Variants in ZNF292 observed in about 807,000 individuals in gnomAD.
The protein encoded by ZNF292 is 16 zinc-finger domain protein.
ZNF292 carries 26 observed loss-of-function variants against 217.9 expected under a neutral mutation model. The ratio of observed to expected loss-of-function variants is 0.12; its 90% CI spans 0.09 to 0.17. The LOEUF (loss-of-function observed/expected upper bound fraction) is 0.17. Ranked by LOEUF, ZNF292 falls within the 10% of genes least tolerant of loss-of-function variation. The pLI is 1.00. For synonymous variants in ZNF292, 1,257 were observed against 1,124.1 expected (o/e 1.12, Z -2.37); for missense variants, 2,904 against 3,175.2 (o/e 0.91, Z 2.05).
intron 1 of ZNF292, among the ~76,000 whole-genome samples, chr6:87,160,493 G>A (rs955911592): frequency 1.6e-4 from 18 of 112,556 alleles, no homozygotes; most frequent in Middle Eastern, 4.5e-3. Flanking sequence ...GTATATATAT[G>A]TGTGTGTGTG....
intron 5 of ZNF292, among the ~76,000 whole-genome samples, chr6:87,238,897 T>C (rs543749959): frequency 3.9e-5 from 6 of 152,038 alleles, no homozygotes; most frequent in Non-Finnish European, 8.8e-5. Context: ...ACGAGCATGC[T>C]GCCTTCAAGC....
intron 1 of ZNF292, among the ~76,000 whole-genome samples, chr6:87,210,623 T>C (rs1772442820): frequency 6.6e-6 from 1 of 151,926 alleles, no homozygotes; most frequent in Non-Finnish European, 1.5e-5. Context: ...CTACTAAAAA[T>C]ACAAAAAGTA....
intron 5 of ZNF292, among the ~76,000 whole-genome samples, chr6:87,241,479 T>A (rs1395142400): frequency 1.4e-5 from 2 of 146,468 alleles, no homozygotes. Context: ...TGGAATGCAG[T>A]GGTGCGATTT....
chr6:87,260,007 G>A lies in ZNF292; in HGVS notation c.6378G>A (p.Thr2126=), dbSNP rs201454729. The part of the protein sequence containing the change: ...CVHQGCFAAF[T]IQQNLILHYQ... ...ACCAGGGATGCTTTGCTGCCTTTACGATACAGCAAAACTTGATTCTCCATT... is the reference window on the plus strand; with the variant it reads ...ACCAGGGATGCTTTGCTGCCTTTACAATACAGCAAAACTTGATTCTCCATT... Residue 2126 remains threonine, a synonymous_variant, in exon 8 of 8, where the codon ACG becomes ACA. Transcript: ENST00000369577. 74 of 1,613,482 alleles carry A rather than the reference G, an allele frequency of 4.6e-5. 1 individual carries two copies. The Middle Eastern group carries it at 2.8e-3, about 61-fold the overall frequency.
At chr6:87,174,712 C>CTAAG (rs1272233880) in intron 1 of ZNF292, among the ~76,000 whole-genome samples, 1 of 152,136 alleles carries the variant, frequency 6.6e-6, no homozygotes, top group African/African-American at 2.4e-5. Flanking sequence ...GTCTTACGTA[C>CTAAG]TAAGGCCCAT....
chr6:87,225,849 C>T lies in ZNF292; in HGVS notation c.538+7118C>T, dbSNP rs142075122. Among the ~76,000 whole-genome samples, 73 of 152,298 alleles carry T rather than the reference C, an allele frequency of 4.8e-4. No individual in the cohort carries two copies. The East Asian group carries it at 0.012, about 26-fold the overall frequency. On this transcript the variant is annotated intron_variant, in intron 4 of 7. Transcript: ENST00000369577. Reference sequence around the variant, plus strand: ...CTTTTCTCTGCTATCATAAATAGCACATAATCAAACCCAAGTAGCAGACTT... The same window carrying T: ...CTTTTCTCTGCTATCATAAATAGCATATAATCAAACCCAAGTAGCAGACTT...
rs545618214 is a variant in ZNF292 at position 87,202,746 on chromosome 6, C to T, written c.169-13157C>T. Among the ~76,000 whole-genome samples the T allele has an allele frequency of 1.9e-3, 293 of 152,158 alleles. 1 individual carries two copies. Among genetic ancestry groups the T allele is most frequent in the African/African-American group, 6.3e-3 (263 of 41,492 alleles). ...TGATTACAATATTTCCCCTTCCCCC[C>T]GCCCCATCCATGATTTTGTTTTCTG... is the stretch of plus-strand genomic sequence containing the variant. On this transcript the variant is annotated intron_variant, in intron 1 of 7. Coordinates refer to ENST00000369577, the MANE Select transcript of ZNF292 (RefSeq NM_015021.3).
At chr6:87,214,792 G>A (rs375518549) in intron 1 of ZNF292, among the ~76,000 whole-genome samples, 1 of 152,084 alleles carries the variant, frequency 6.6e-6, no homozygotes, top group African/African-American at 2.4e-5. Context: ...TAGTTTACCA[G>A]CTTACTTTTT....
At chr6:87,168,034 G>C (rs567235742) in intron 1 of ZNF292, among the ~76,000 whole-genome samples, 44 of 152,302 alleles carry the variant, frequency 2.9e-4, no homozygotes, top group African/African-American at 1.0e-3. Context: ...AGGAAATTCA[G>C]TTACCTAATT....
At chr6:87,161,251 G>A in intron 1 of ZNF292, among the ~76,000 whole-genome samples, 1 of 152,060 alleles carries the variant, frequency 6.6e-6, no homozygotes, top group Admixed American at 6.6e-5. Flanking sequence ...AATAAATTCT[G>A]TACTTTTAAG....
intron 1 of ZNF292, among the ~76,000 whole-genome samples, chr6:87,207,417 G>T (rs969118463): frequency 1.3e-5 from 2 of 152,094 alleles, no homozygotes; most frequent in African/African-American, 4.8e-5. Context: ...TTTTACCCCT[G>T]ACTGAGAAGT....
rs1164882304 is a variant in ZNF292, at chr6:87,233,301, TC to T, written c.539-23del. On this transcript the variant is annotated intron_variant, in intron 4 of 7. Coordinates refer to ENST00000369577, the MANE Select transcript of ZNF292 (RefSeq NM_015021.3). ...ATGAATTATTACCAAATGTTAATAA[TC>T]TATTATGTCTTGTTTTTTAAAGTGA... 2.0e-6 allele frequency: 3 copies of T among 1,508,508 alleles called. No individual in the cohort carries two copies. In the East Asian group the frequency reaches 6.9e-5, roughly 35 times the overall value. 93.4% of individuals were successfully genotyped at this position (1,508,508 alleles called of 1,614,324 possible).
chr6:87,209,104 A>C lies in ZNF292; in HGVS notation c.169-6799A>C, dbSNP rs1290936734. ...TTATCTCATTTTTAGCCCCACTTTC[A>C]CCCCCCCCTCCCCATTTTCAGAGGC... On this transcript the variant is annotated intron_variant, in intron 1 of 7. Coordinates refer to ENST00000369577, the MANE Select transcript of ZNF292 (RefSeq NM_015021.3). 6.9e-3 allele frequency among the ~76,000 whole-genome samples: 948 copies of C among 136,816 alleles called. 11 individuals carry two copies. Among genetic ancestry groups the C allele is most frequent in the African/African-American group, 0.018 (597 of 33,248 alleles). 89.8% of individuals were successfully genotyped at this position (136,816 alleles called of 152,430 possible). A position where few individuals can be genotyped will look rare whatever the true frequency, so the allele number is the denominator to read the frequency against.
chr6:87,165,071 C>A (rs868565464), intron 1 of ZNF292, among the ~76,000 whole-genome samples: 2 of 152,130 alleles, frequency 1.3e-5, no homozygotes, highest in Middle Eastern at 3.4e-3. Flanking sequence ...CCAGAATGAC[C>A]TCTTTATTTA....
chr6:87,168,031 TCA>T (rs1770972734), intron 1 of ZNF292, among the ~76,000 whole-genome samples: 1 of 152,340 alleles, frequency 6.6e-6, no homozygotes, highest in South Asian at 2.1e-4. Context: ...GTTAGGAAAT[TCA>T]GTTACCTAAT....
intron 4 of ZNF292, among the ~76,000 whole-genome samples, chr6:87,221,055 G>A (rs1773061430): frequency 6.6e-6 from 1 of 152,140 alleles, no homozygotes; most frequent in Non-Finnish European, 1.5e-5. Flanking sequence ...TATTTGAACA[G>A]TGACTAATCT....
At chr6:87,166,216 A>G (rs1307951201) in intron 1 of ZNF292, among the ~76,000 whole-genome samples, 2 of 152,172 alleles carry the variant, frequency 1.3e-5, no homozygotes, top group African/African-American at 4.8e-5. Context: ...ACTTTTTATT[A>G]TTCTACAGGA....
rs1226875873 is a variant in ZNF292 at position 87,263,302 on chromosome 6, T to G, written c.*1501T>G. On this transcript the variant is annotated 3_prime_UTR_variant, in exon 8 of 8. Transcript: ENST00000369577. ...CTGTTTGCCGTAAATAGTAACATTG[T>G]TTTTTTTTATTTTGTGTTTGTTATA... 2.0e-5 allele frequency: 3 copies of G among 149,786 alleles called. No homozygotes were observed. The highest frequency in any genetic ancestry group is 7.5e-5 in the African/African-American group (3 of 39,854). 9.3% of individuals were successfully genotyped at this position (149,786 alleles called of 1,614,324 possible).
intron 1 of ZNF292, among the ~76,000 whole-genome samples, chr6:87,161,840 A>G (rs1770764618): frequency 6.6e-6 from 1 of 152,200 alleles, no homozygotes; most frequent in Non-Finnish European, 1.5e-5. Flanking sequence ...TTCCCATTCT[A>G]GAGTTCCAGT....
Sources: allele counts gnomAD v4.1 joint callset (sites outside exome capture counted in the v4.1 genomes callset), GRCh38; gene constraint gnomAD v4.1.1; transcripts MANE v1.5; gene names NCBI Gene and HGNC (gene_info 2026-07-23, HGNC 2026-07-21).